RBFOX3: variants seen among roughly 807,000 people sequenced by gnomAD.
RBFOX3 encodes the protein RNA binding fox-1 homolog 3, also known as RNA binding protein fox-1 homolog 3.
A neutral mutation model predicts 48.7 loss-of-function variants in RBFOX3; 17 were observed. That is an observed-to-expected ratio of 0.35 (90% confidence interval 0.24 to 0.52). The LOEUF is 0.52. Among genes scored for constraint, RBFOX3 ranks in the 20% least tolerant of loss-of-function variants. The pLI is 0.94. For missense variants in RBFOX3, 382 were observed against 497.5 expected (o/e 0.77, Z 2.21); for synonymous variants, 212 against 209.5 (o/e 1.01, Z -0.10).
chr17:79,344,144 G>C (rs926833320), intron 2 of RBFOX3, among the ~76,000 whole-genome samples: 11 of 152,280 alleles, frequency 7.2e-5, no homozygotes, highest in East Asian at 3.9e-4. Context: ...TTGAGAATCA[G>C]GATGCTCATA....
chr17:79,292,565 TACAC>T (rs201523471), intron 3 of RBFOX3, among the ~76,000 whole-genome samples: 24 of 138,546 alleles, frequency 1.7e-4, no homozygotes, highest in African/African-American at 7.1e-4. Flanking sequence ...GTTGGCACTG[TACAC>T]ACACACACAC....
At chr17:79,642,252 G>A in the RBFOX3 span, among the ~76,000 whole-genome samples, 9 of 152,158 alleles carry the variant, frequency 5.9e-5, no homozygotes. Flanking sequence ...GGACATAAAG[G>A]TCCGGTTATG....
Position 79,443,642 on chromosome 17 carries a change from C to T in RBFOX3, c.-175+38812G>A, listed in dbSNP as rs1162262887. On this transcript the variant is annotated intron_variant, in intron 2 of 14. Coordinates refer to ENST00000693108, the MANE Select transcript of RBFOX3 (RefSeq NM_001350451.2). This position sits in a 1 kb window ranked among gnomAD's most constrained non-coding sequence, Gnocchi z 4.4. Reference sequence around the variant, plus strand: ...AGGTGATCCACCCGCCTCGGCCTCCCAAAGTGCTGGGATTACAGGCATGAG... The same window carrying T: ...AGGTGATCCACCCGCCTCGGCCTCCTAAAGTGCTGGGATTACAGGCATGAG... 6.6e-6 allele frequency among the ~76,000 whole-genome samples: 1 copy of T among 152,212 alleles called. No homozygotes were observed. The highest frequency in any genetic ancestry group is 2.4e-5 in the African/African-American group (1 of 41,448).
intron 3 of RBFOX3, among the ~76,000 whole-genome samples, chr17:79,286,199 G>A (rs928218481): frequency 2.0e-5 from 3 of 152,166 alleles, no homozygotes; most frequent in African/African-American, 7.2e-5. Context: ...TGCCTTGATT[G>A]GCATTGCAGA....
chr17:79,495,824 T>C (rs374186566), intron 1 of RBFOX3, among the ~76,000 whole-genome samples: 121 of 149,068 alleles, frequency 8.1e-4, no homozygotes, highest in African/African-American at 2.9e-3. Flanking sequence ...CAGAAGGTGG[T>C]TGGGGGTGTA....
chr17:79,204,334 G>A lies in RBFOX3; in HGVS notation c.-34+31432C>T, dbSNP rs924529224. Reference sequence around the variant, plus strand: ...GAGCGGGTACACACCAGCGGGTGCCGGGGAGCAGGGGGCGTAGGTGGGGTT... The same window carrying A: ...GAGCGGGTACACACCAGCGGGTGCCAGGGAGCAGGGGGCGTAGGTGGGGTT... On this transcript the variant is annotated intron_variant, in intron 4 of 14. Coordinates refer to ENST00000693108, the MANE Select transcript of RBFOX3 (RefSeq NM_001350451.2). This position sits in a 1 kb window ranked among gnomAD's most constrained non-coding sequence, Gnocchi z 4.5. Among the ~76,000 whole-genome samples the A allele has an allele frequency of 6.6e-5, 10 of 152,190 alleles. No individual in the cohort carries two copies. The highest frequency in any genetic ancestry group is 2.1e-4 in the South Asian group (1 of 4,834).
At chr17:79,241,405 T>C (rs1385423108) in intron 3 of RBFOX3, among the ~76,000 whole-genome samples, 1 of 152,140 alleles carries the variant, frequency 6.6e-6, no homozygotes, top group Non-Finnish European at 1.5e-5. Flanking sequence ...GGGACATCTC[T>C]TCTTAACTCC....
chr17:79,129,370 G>GAGTTCATTCTAACCTAGTGAC (rs1555701297), intron 4 of RBFOX3, among the ~76,000 whole-genome samples: 6 of 146,182 alleles, frequency 4.1e-5, no homozygotes, highest in Admixed American at 2.1e-4. Context: ...GGAACCACCT[G>GAGTTCATTCTAACCTAGTGAC]CTGCTACCTG....
Position 79,101,593 on chromosome 17 carries a change from A to C in RBFOX3, c.559T>G (p.Tyr187Asp). ...GGACCCAGCCCCTTACCGTTGGTGT[A>C]GGGGTTCCCCGTCTTCTTGTTGGTC... Reference protein sequence around the residue: ...VMTNKKTGNPYTNGWKLNPVV... With the variant: ...VMTNKKTGNPDTNGWKLNPVV... Residue 187 changes from tyrosine (Y) to aspartate (D), a missense_variant, in exon 9 of 15, where the codon TAC becomes GAC. By Grantham distance (160) the Tyr-to-Asp change is radical. Around this residue, in one of 3 missense-constraint regions of RBFOX3, gnomAD observed 215 missense variants for 254.8 expected, o/e 0.84. Coordinates refer to ENST00000693108, the MANE Select transcript of RBFOX3 (RefSeq NM_001350451.2). 6.4e-7 allele frequency: 1 copy of C among 1,551,072 alleles called. No individual in the cohort carries two copies. The highest frequency in any genetic ancestry group is 1.2e-5 in the South Asian group (1 of 84,052).
At chr17:79,266,204 A>C (rs2066673444) in intron 3 of RBFOX3, among the ~76,000 whole-genome samples, 1 of 152,156 alleles carries the variant, frequency 6.6e-6, no homozygotes, top group Non-Finnish European at 1.5e-5. Context: ...GAAGTGAGCA[A>C]GTTTCCTGTC....
At chr17:79,100,356 T>G (rs1346054884) in intron 9 of RBFOX3, 2 of 152,224 alleles carry the variant, frequency 1.3e-5, no homozygotes, top group African/African-American at 4.8e-5. Context: ...GCACTCGGGA[T>G]GCTTGCAAAG....
At chr17:79,636,780 A>G in the RBFOX3 span, among the ~76,000 whole-genome samples, 3 of 152,306 alleles carry the variant, frequency 2.0e-5, no homozygotes, top group South Asian at 2.1e-4. Flanking sequence ...CAGAAAACAA[A>G]TTAATAAAAT....
At chr17:79,576,977 C>A (rs1314574284) in intron 1 of RBFOX3, among the ~76,000 whole-genome samples, 1 of 152,132 alleles carries the variant, frequency 6.6e-6, no homozygotes, top group African/African-American at 2.4e-5. Flanking sequence ...ATGGGGTTCC[C>A]GAGAGCCCCA....
Position 79,539,165 on chromosome 17 carries a change from A to T in RBFOX3, c.-319-56567T>A, listed in dbSNP as rs2089307468. Among the ~76,000 whole-genome samples, 3 of 152,260 alleles carry T rather than the reference A, an allele frequency of 2.0e-5. No individual in the cohort carries two copies. In the South Asian group the frequency reaches 6.2e-4, roughly 32 times the overall value. ...TCAGGAGTCCGAGACCAGCCTGGGCAACATAGCAAAAACCTGTTTCTACAA... is the reference window on the plus strand; with the variant it reads ...TCAGGAGTCCGAGACCAGCCTGGGCTACATAGCAAAAACCTGTTTCTACAA... On this transcript the variant is annotated intron_variant, in intron 1 of 14. Transcript: ENST00000693108.
chr17:79,168,131 C>G (rs1208881593), intron 4 of RBFOX3, among the ~76,000 whole-genome samples: 2 of 152,158 alleles, frequency 1.3e-5, no homozygotes, highest in Admixed American at 6.5e-5. Flanking sequence ...GCTCTGATGC[C>G]CCGACCCTCG....
chr17:79,093,688 G>A (rs538885997), intron 14 of RBFOX3, among the ~76,000 whole-genome samples: 8 of 152,198 alleles, frequency 5.3e-5, no homozygotes, highest in African/African-American at 1.2e-4. Flanking sequence ...GCTAAAACCC[G>A]TGTTCACACC....
chr17:79,193,500 T>C (rs915465023), intron 4 of RBFOX3, among the ~76,000 whole-genome samples: 5 of 152,080 alleles, frequency 3.3e-5, no homozygotes, highest in Admixed American at 6.5e-5. Flanking sequence ...CCCAGCCCCA[T>C]TGGATTTATT....
chr17:79,623,213 A>G, the RBFOX3 span, among the ~76,000 whole-genome samples: 1 of 152,206 alleles, frequency 6.6e-6, no homozygotes, highest in Non-Finnish European at 1.5e-5. Flanking sequence ...ACGCAGAGCA[A>G]GGTATGGGGT....
chr17:79,397,756 G>A (rs1250440572), intron 2 of RBFOX3, among the ~76,000 whole-genome samples: 2 of 152,128 alleles, frequency 1.3e-5, no homozygotes, highest in East Asian at 1.9e-4. Flanking sequence ...CCCCCGGGAG[G>A]CCTCCAGGAC....
Sources: allele counts gnomAD v4.1 joint callset (sites outside exome capture counted in the v4.1 genomes callset), GRCh38; gene constraint gnomAD v4.1.1; regional missense constraint gnomAD v4.1.1; non-coding constraint Gnocchi (gnomAD v3.1); transcripts MANE v1.5; gene names NCBI Gene and HGNC (gene_info 2026-07-23, HGNC 2026-07-21).